Variants in CCSER1 observed in about 807,000 individuals in gnomAD.
CCSER1 encodes the protein serine-rich coiled-coil domain-containing protein 1.
A neutral mutation model predicts 82.0 loss-of-function variants in CCSER1; 41 were observed. The ratio of observed to expected loss-of-function variants is 0.50; its 90% CI spans 0.39 to 0.65. The LOEUF (loss-of-function observed/expected upper bound fraction) is 0.65. Among genes scored for constraint, CCSER1 ranks in the 30% least tolerant of loss-of-function variants. CCSER1 has a pLI of 0.00. For missense variants in CCSER1, 1,119 were observed against 1,064.2 expected, an observed-to-expected ratio of 1.05 and a Z score of -0.72; for synonymous variants, 414 against 383.9, an observed-to-expected ratio of 1.08 and a Z score of -0.92.
intron 10 of CCSER1, among the ~76,000 whole-genome samples, chr4:91,354,648 C>T (rs112895964): frequency 0.23 from 34,549 of 152,134 alleles, 4,507 homozygotes; most frequent in Middle Eastern, 0.39. Flanking sequence ...GCAATACTGT[C>T]CAATAATTGA....
intron 10 of CCSER1, among the ~76,000 whole-genome samples, chr4:91,424,692 G>A (rs1578420064): frequency 1.3e-5 from 2 of 152,062 alleles, no homozygotes; most frequent in Non-Finnish European, 2.9e-5. Flanking sequence ...AGAACTGCTA[G>A]CTTTTAGTAT....
intron 8 of CCSER1, among the ~76,000 whole-genome samples, chr4:90,915,430 T>C (rs1260491979): frequency 6.6e-6 from 1 of 152,142 alleles, no homozygotes; most frequent in Non-Finnish European, 1.5e-5. Flanking sequence ...ATTATCTCAA[T>C]AGATGCAGAA....
At chr4:90,608,223 A>C (rs1021459341) in intron 5 of CCSER1, among the ~76,000 whole-genome samples, 12 of 152,166 alleles carry the variant, frequency 7.9e-5, no homozygotes, top group African/African-American at 2.7e-4. Context: ...AGGGTCCCAC[A>C]AGGCTACAGT....
intron 6 of CCSER1, among the ~76,000 whole-genome samples, chr4:90,705,417 G>A (rs1159056668): frequency 1.3e-5 from 2 of 152,220 alleles, no homozygotes; most frequent in Admixed American, 6.5e-5. Context: ...CTATTCGGGG[G>A]TCAGGGACCC....
At chr4:90,219,323 G>A (rs879752074) in intron 1 of CCSER1, among the ~76,000 whole-genome samples, 5 of 152,148 alleles carry the variant, frequency 3.3e-5, no homozygotes, top group Non-Finnish European at 7.4e-5. Context: ...TATAGGAGGA[G>A]AAGTAAGTTT....
At chr4:90,878,055 A>G (rs1470437732) in intron 8 of CCSER1, among the ~76,000 whole-genome samples, 1 of 152,088 alleles carries the variant, frequency 6.6e-6, no homozygotes, top group African/African-American at 2.4e-5. Context: ...GTTCCCTTCC[A>G]TTCTCCCTTT....
intron 1 of CCSER1, among the ~76,000 whole-genome samples, chr4:90,209,714 C>A (rs1016767217): frequency 6.7e-6 from 1 of 149,864 alleles, no homozygotes; most frequent in African/African-American, 2.4e-5. Context: ...TTAGGACTTC[C>A]TTTCCAAACT....
intron 1 of CCSER1, among the ~76,000 whole-genome samples, chr4:90,220,659 T>C (rs898440837): frequency 6.6e-6 from 1 of 152,196 alleles, no homozygotes; most frequent in African/African-American, 2.4e-5. Context: ...CTGGCCAATC[T>C]TGTGCATTTG....
At chr4:90,153,140 G>C (rs1403384548) in intron 1 of CCSER1, among the ~76,000 whole-genome samples, 1 of 149,348 alleles carries the variant, frequency 6.7e-6, no homozygotes, top group Non-Finnish European at 1.5e-5. Context: ...GCGGTGTTTG[G>C]TATTTTGTTC....
intron 5 of CCSER1, among the ~76,000 whole-genome samples, chr4:90,517,756 A>G (rs1313590865): frequency 2.0e-5 from 3 of 152,174 alleles, no homozygotes; most frequent in Non-Finnish European, 4.4e-5. Flanking sequence ...AGAAGAAGTC[A>G]GCAAAGGAAT....
At chr4:91,250,073 C>T (rs1458937741) in intron 10 of CCSER1, among the ~76,000 whole-genome samples, 5 of 151,420 alleles carry the variant, frequency 3.3e-5, no homozygotes, top group Non-Finnish European at 1.5e-5. Context: ...TTCCCTTAAA[C>T]TCTTTCTGCT....
chr4:90,644,234 G>A, intron 6 of CCSER1, among the ~76,000 whole-genome samples: 1 of 152,122 alleles, frequency 6.6e-6, no homozygotes, highest in East Asian at 1.9e-4. Context: ...TTGGGAATGG[G>A]ACACAAGTCT....
intron 9 of CCSER1, among the ~76,000 whole-genome samples, chr4:91,018,373 T>C (rs1739626195): frequency 6.6e-6 from 1 of 152,126 alleles, no homozygotes; most frequent in African/African-American, 2.4e-5. Flanking sequence ...TCTCCAAATA[T>C]GTAGGTTTTC....
At chr4:91,061,720 T>A (rs2148737801) in intron 9 of CCSER1, among the ~76,000 whole-genome samples, 1 of 152,180 alleles carries the variant, frequency 6.6e-6, no homozygotes, top group South Asian at 2.1e-4. Flanking sequence ...TAGCAATTAT[T>A]ATAATTTGAA....
intron 10 of CCSER1, among the ~76,000 whole-genome samples, chr4:91,154,135 C>T (rs557160726): frequency 2.6e-5 from 4 of 152,008 alleles, no homozygotes; most frequent in African/African-American, 9.7e-5. Flanking sequence ...AGGCAGGCCT[C>T]CTTGAGCTGT....
At chr4:90,747,646 TC>T (rs1443014332) in intron 7 of CCSER1, among the ~76,000 whole-genome samples, 36 of 152,084 alleles carry the variant, frequency 2.4e-4, no homozygotes, top group African/African-American at 8.2e-4. Flanking sequence ...CTTTTTTTTT[TC>T]TTTTTTTAAA....
chr4:90,561,456 T>C (rs1330998385), intron 5 of CCSER1, among the ~76,000 whole-genome samples: 1 of 152,228 alleles, frequency 6.6e-6, no homozygotes, highest in East Asian at 1.9e-4. Context: ...TATAGTCAAA[T>C]AGCTCCCTCT....
At chr4:90,406,639 G>T (rs536398556) in intron 4 of CCSER1, among the ~76,000 whole-genome samples, 1 of 152,198 alleles carries the variant, frequency 6.6e-6, no homozygotes, top group African/African-American at 2.4e-5. Context: ...TAAGGAAATC[G>T]AAATTATATC....
At chr4:90,869,930 A>C (rs1273407664) in intron 8 of CCSER1, among the ~76,000 whole-genome samples, 1 of 151,628 alleles carries the variant, frequency 6.6e-6, no homozygotes, top group Non-Finnish European at 1.5e-5. Flanking sequence ...TTCTCTTGTT[A>C]ATTCCTAGTA....
Sources: allele counts gnomAD v4.1 joint callset (sites outside exome capture counted in the v4.1 genomes callset), GRCh38; gene constraint gnomAD v4.1.1; transcripts MANE v1.5; gene names NCBI Gene and HGNC (gene_info 2026-07-23, HGNC 2026-07-21).